GAPDH: variants seen among roughly 807,000 people sequenced by gnomAD.
GAPDH encodes OCAS, p38 component.
GAPDH carries 13 observed loss-of-function variants against 31.2 expected under a neutral mutation model. The ratio of observed to expected loss-of-function variants is 0.42; its 90% CI spans 0.27 to 0.66. The LOEUF (loss-of-function observed/expected upper bound fraction) is 0.66, where lower values mean the gene tolerates loss of function less well. Ranked by LOEUF, GAPDH falls within the 30% of genes least tolerant of loss-of-function variation. The probability of loss-of-function intolerance (pLI) is 0.26; values close to 1 mark genes in which losing one functional copy is unlikely to be tolerated. For missense variants in GAPDH, 300 were observed against 443.7 expected (o/e 0.68, Z 2.91); for synonymous variants, 211 against 166.9 (o/e 1.26, Z -2.04).
intron 2 of GAPDH, chr12:6,535,320 G>T: frequency 1.0e-6 from 1 of 998,044 alleles, no homozygotes; most frequent in Non-Finnish European, 1.2e-6. Context: ...GGAAGGAAAT[G>T]AATGGGCAGC....
At chr12:6,535,293 C>G in intron 2 of GAPDH, 2 of 1,008,366 alleles carry the variant, frequency 2.0e-6, no homozygotes, top group Non-Finnish European at 2.4e-6. Context: ...GGTAGAGCGG[C>G]CGCCATGTTG....
chr12:6,536,004 GC>G (rs45532643), intron 2 of GAPDH, among the ~76,000 whole-genome samples: 2 of 152,190 alleles, frequency 1.3e-5, no homozygotes, highest in East Asian at 3.9e-4. Flanking sequence ...CTTCCCACCC[GC>G]CCCAGTCTCT....
chr12:6,536,743 G>C lies in GAPDH; in HGVS notation c.189G>C (p.Glu63Asp). ...HGKFHGTVKA[E>D]NGKLVINGNP... ...AATTCCATGGCACCGTCAAGGCTGA[G>C]AACGGGAAGCTTGTCATCAATGGAA... The change falls in exon 4 of 9, where the codon GAG becomes GAC. Residue 63 changes from glutamate (E) to aspartate (D), a missense_variant. Coordinates refer to ENST00000229239, the MANE Select transcript of GAPDH (RefSeq NM_002046.7). 6.2e-7 allele frequency: 1 copy of C among 1,614,056 alleles called. No individual in the cohort carries two copies. Among genetic ancestry groups the C allele is most frequent in the Non-Finnish European group, 8.5e-7 (1 of 1,179,992 alleles).
At position 6,538,083 on chromosome 12, in the gene GAPDH, ACTC is replaced by A. The variant is rs772883369; in HGVS notation, c.939-17_939-15del. 5 of 1,597,528 alleles carry A rather than the reference ACTC, an allele frequency of 3.1e-6. No homozygotes were observed. In the African/African-American group the frequency reaches 6.7e-5, roughly 21 times the overall value. ...CTGGCTCAGAAAAAGGGCCCTGACA[ACTC>A]TTTTCATCTTCTAGGTATGACAACG... On this transcript the variant is annotated splice_polypyrimidine_tract_variant and intron_variant, in intron 8 of 8. Coordinates refer to ENST00000229239, the MANE Select transcript of GAPDH (RefSeq NM_002046.7).
chr12:6,538,251 G>C lies in GAPDH; in HGVS notation c.*81G>C. On this transcript the variant is annotated 3_prime_UTR_variant, in exon 9 of 9. Coordinates refer to ENST00000229239, the MANE Select transcript of GAPDH (RefSeq NM_002046.7). ...TGCTGGGGAGTCCCTGCCACACTCA[G>C]TCCCCCACCACACTGAATCTCCCCT... is the stretch of plus-strand genomic sequence containing the variant. 8.9e-7 allele frequency: 1 copy of C among 1,127,850 alleles called. No individual in the cohort carries two copies. The highest frequency in any genetic ancestry group is 1.2e-5 in the South Asian group (1 of 81,804). 69.9% of individuals were successfully genotyped at this position (1,127,850 alleles called of 1,614,324 possible).
chr12:6,536,839 G>A (rs750138825), intron 4 of GAPDH, 49 bp downstream of exon 4: 1 of 1,578,982 alleles, frequency 6.3e-7, no homozygotes, highest in Admixed American at 1.7e-5. Context: ...AGGCAACTAG[G>A]ATGGTGTGGC....
At chr12:6,535,422 C>T (rs45575233) in intron 2 of GAPDH, 13 of 988,158 alleles carry the variant, frequency 1.3e-5, no homozygotes, top group African/African-American at 1.7e-5. Context: ...GCGAGGCTAG[C>T]TGGCCCGATT....
At position 6,536,984 on chromosome 12, in the gene GAPDH, G is replaced by A. The variant is rs149945423; in HGVS notation, c.301G>A (p.Val101Ile). 2.4e-5 allele frequency: 39 copies of A among 1,613,918 alleles called. No homozygotes were observed. The highest frequency in any genetic ancestry group is 2.0e-4 in the South Asian group (18 of 91,080). ...GAEYVVESTGVFTTMEKAGAH... is the reference protein window; with the variant it reads ...GAEYVVESTGIFTTMEKAGAH... ...TGAGTACGTCGTGGAGTCCACTGGC[G>A]TCTTCACCACCATGGAGAAGGCTGG... Residue 101 changes from valine to isoleucine, a missense_variant, in exon 5 of 9, where the codon GTC becomes ATC. Transcript: ENST00000229239.
chr12:6,536,460 CCCT>C (rs1371252867), intron 2 of GAPDH, 31 bp from the exon 3 acceptor site: 8 of 1,483,730 alleles, frequency 5.4e-6, no homozygotes, highest in Admixed American at 1.7e-5. Context: ...GAGGAGCCTC[CCCT>C]CCTCATGCCT....
At chr12:6,534,928 C>G (rs999777832) in intron 2 of GAPDH, 67 bp downstream of exon 2, 2 of 1,546,782 alleles carry the variant, frequency 1.3e-6, no homozygotes, top group South Asian at 1.1e-5. Context: ...ACGAGCCTTG[C>G]GGGCTCCGGG....
intron 2 of GAPDH, among the ~76,000 whole-genome samples, chr12:6,535,997 C>T (rs1353448016): frequency 2.6e-5 from 4 of 152,190 alleles, no homozygotes; most frequent in African/African-American, 9.7e-5. Flanking sequence ...TTCCCCTCTT[C>T]CCACCCGCCC....
In GAPDH at chr12:6,534,586, A is replaced by G; in HGVS notation, c.-24+17A>G. ...CGTCGCCAGGTGAAGACGGGCGGAG[A>G]GAAACCCGGGAGGCTAGGGACGGCC... On this transcript the variant is annotated intron_variant, in intron 1 of 8. Transcript: ENST00000229239. 1.8e-6 allele frequency: 1 copy of G among 555,122 alleles called. No individual in the cohort carries two copies. The highest frequency in any genetic ancestry group is 3.2e-6 in the Non-Finnish European group (1 of 315,628). The allele number at this position is 555,122 out of a possible 1,614,324, so 34.4% of individuals were successfully genotyped here.
Position 6,536,864 on chromosome 12 carries a change from G to A in GAPDH, c.237-56G>A, listed in dbSNP as rs769281153. 2.5e-6 allele frequency: 4 copies of A among 1,586,930 alleles called. No individual in the cohort carries two copies. The African/African-American group carries it at 5.4e-5, about 21-fold the overall frequency. On this transcript the variant is annotated intron_variant, in intron 4 of 8. Coordinates refer to ENST00000229239, the MANE Select transcript of GAPDH (RefSeq NM_002046.7). ...GATGGTGTGGCTCCCTTGGGTATAT[G>A]GTAACCTTGTGTCCCTCAATATGGT...
intron 2 of GAPDH, chr12:6,535,555 G>A (rs1946445243): frequency 1.8e-5 from 11 of 620,900 alleles, no homozygotes; most frequent in Non-Finnish European, 2.2e-5. Context: ...GCCAAGCCGG[G>A]AGAAGCTGAG....
At chr12:6,535,445 GATGC>G (rs1946442527) in intron 2 of GAPDH, 1 of 987,578 alleles carries the variant, frequency 1.0e-6, no homozygotes, top group African/African-American at 1.7e-5. Context: ...TCCTCCGGGT[GATGC>G]TTTTCCTAGA....
intron 2 of GAPDH, chr12:6,535,341 GCCTGCCGGTGACTAAC>G: frequency 9.1e-6 from 9 of 993,060 alleles, no homozygotes; most frequent in Non-Finnish European, 1.1e-5. Flanking sequence ...CGTTAGGAAA[GCCTGCCGGTGACTAAC>G]CCTGCGCTCC....
rs1364006857 is a variant in GAPDH at position 6,538,308 on chromosome 12, G to C, written c.*138G>C. The C allele has an allele frequency of 2.8e-6, 2 of 719,100 alleles. No individual in the cohort carries two copies. The highest frequency in any genetic ancestry group is 1.6e-5 in the South Asian group (1 of 64,098). 44.5% of individuals were successfully genotyped at this position (719,100 alleles called of 1,614,324 possible). A position where few individuals can be genotyped will look rare whatever the true frequency, so the allele number is the denominator to read the frequency against. On this transcript the variant is annotated 3_prime_UTR_variant, in exon 9 of 9. Transcript: ENST00000229239. Reference sequence around the variant, plus strand: ...AGTTGCCATGTAGACCCCTTGAAGAGGGGAGGGGCCTAGGGAGCCGCACCT... The same window carrying C: ...AGTTGCCATGTAGACCCCTTGAAGACGGGAGGGGCCTAGGGAGCCGCACCT...
At chr12:6,534,973 C>A in intron 2 of GAPDH, 112 bp downstream of exon 2, 1 of 1,242,934 alleles carries the variant, frequency 8.0e-7, no homozygotes, top group Non-Finnish European at 1.1e-6. Context: ...GTAGCTGTTC[C>A]CCGCAAGGAG....
At chr12:6,536,814 A>G (rs1262709272) in intron 4 of GAPDH, 24 bp downstream of exon 4, 2 of 1,606,224 alleles carry the variant, frequency 1.2e-6, no homozygotes, top group African/African-American at 2.7e-5. Flanking sequence ...AGAATGGAAG[A>G]AATGTGCTTT....
Sources: allele counts gnomAD v4.1 joint callset (sites outside exome capture counted in the v4.1 genomes callset), GRCh38; gene constraint gnomAD v4.1.1; transcripts MANE v1.5; gene names NCBI Gene and HGNC (gene_info 2026-07-23, HGNC 2026-07-21).